Variants in PKHD1 observed in about 807,000 individuals in gnomAD.
PKHD1 encodes fibrocystin.
PKHD1 carries 291 observed loss-of-function variants against 412.0 expected under a neutral mutation model. The observed-to-expected ratio is 0.71, with a 90% CI of 0.64 to 0.78. PKHD1 has a LOEUF of 0.78. Among genes scored for constraint, PKHD1 ranks in the 30% least tolerant of loss-of-function variants. The pLI, the probability that PKHD1 is intolerant of heterozygous loss-of-function variation, is 0.00. For missense variants in PKHD1, 4,825 were observed against 4,950.7 expected, an observed-to-expected ratio of 0.97 and a Z score of 0.76; for synonymous variants, 1,777 against 1,821.5, an observed-to-expected ratio of 0.98 and a Z score of 0.62.
intron 60 of PKHD1, among the ~76,000 whole-genome samples, chr6:51,713,197 G>A (rs1438360566): frequency 5.9e-5 from 9 of 152,114 alleles, no homozygotes; most frequent in South Asian, 2.1e-4. Flanking sequence ...TAACCAATTC[G>A]TATTTAACTC....
chr6:51,807,458 A>AAAAATAT (rs1332349363), intron 52 of PKHD1, among the ~76,000 whole-genome samples: 2 of 49,676 alleles, frequency 4.0e-5, no homozygotes, highest in African/African-American at 6.0e-5. Context: ...AAAAAAAAAA[A>AAAAATAT]ATATATATAT....
intron 35 of PKHD1, among the ~76,000 whole-genome samples, chr6:52,008,780 A>T (rs1799420217): frequency 6.6e-6 from 1 of 152,124 alleles, no homozygotes; most frequent in African/African-American, 2.4e-5. Flanking sequence ...CAGATGAGAA[A>T]ACTGAAGTAC....
intron 35 of PKHD1, among the ~76,000 whole-genome samples, chr6:51,965,134 T>G (rs1792623413): frequency 1.3e-5 from 2 of 152,158 alleles, no homozygotes; most frequent in Non-Finnish European, 2.9e-5. Flanking sequence ...TGAGCTAATA[T>G]AAAGGCGTTT....
intron 5 of PKHD1, among the ~76,000 whole-genome samples, chr6:52,078,909 A>C (rs1041202761): frequency 5.3e-5 from 8 of 152,248 alleles, no homozygotes; most frequent in Non-Finnish European, 8.8e-5. Context: ...ATTCTCTTGG[A>C]TTAAGAAACA....
intron 52 of PKHD1, among the ~76,000 whole-genome samples, chr6:51,805,997 T>C (rs1763705941): frequency 6.7e-6 from 1 of 150,092 alleles, no homozygotes. Flanking sequence ...CCTTTGGGTA[T>C]ATACCCAGTA....
At chr6:52,049,294 A>G (rs759427093) in intron 22 of PKHD1, among the ~76,000 whole-genome samples, 10 of 152,372 alleles carry the variant, frequency 6.6e-5, no homozygotes, top group South Asian at 2.1e-4. Flanking sequence ...ACAATGCTAC[A>G]TATTTGTGTA....
At position 51,772,805 on chromosome 6, in the gene PKHD1, G is replaced by A. The variant is rs777367274; in HGVS notation, c.8555-16C>T. 7.3e-7 allele frequency: 1 copy of A among 1,375,384 alleles called. No individual in the cohort carries two copies. Among genetic ancestry groups the A allele is most frequent in the Admixed American group, 1.7e-5 (1 of 59,528 alleles). 85.2% of individuals were successfully genotyped at this position (1,375,384 alleles called of 1,614,324 possible). ...CCATAAACCCCTGAAAATAAAAGGA[G>A]TAACAGTTGGATAGAAAAATCCTTC... On this transcript the variant is annotated splice_polypyrimidine_tract_variant and intron_variant, in intron 54 of 66. Coordinates refer to ENST00000371117, the MANE Select transcript of PKHD1 (RefSeq NM_138694.4).
chr6:52,073,605 C>T, intron 6 of PKHD1, 64 bp from the exon 7 acceptor site: 1 of 982,436 alleles, frequency 1.0e-6, no homozygotes, highest in East Asian at 2.4e-5. Flanking sequence ...TAATAAAAAA[C>T]CATGTTTCTT....
rs1235746858 is a variant in PKHD1 at position 51,617,791 on chromosome 6, T to C, written c.*1290A>G. ...CTCATAGAACTAATTCAGGGCATCATTATTTAGAATTCAGCAATGAAAGAG... is the reference window on the plus strand; with the variant it reads ...CTCATAGAACTAATTCAGGGCATCACTATTTAGAATTCAGCAATGAAAGAG... On this transcript the variant is annotated 3_prime_UTR_variant, in exon 67 of 67. Coordinates refer to ENST00000371117, the MANE Select transcript of PKHD1 (RefSeq NM_138694.4). 1 of 152,198 alleles carries C rather than the reference T, an allele frequency of 6.6e-6. No homozygotes were observed. Among genetic ancestry groups the C allele is most frequent in the Non-Finnish European group, 1.5e-5 (1 of 68,044 alleles). The allele number at this position is 152,198 out of a possible 1,614,324, so 9.4% of individuals were successfully genotyped here. A position where few individuals can be genotyped will look rare whatever the true frequency, so the allele number is the denominator to read the frequency against.
intron 49 of PKHD1, among the ~76,000 whole-genome samples, chr6:51,849,565 T>C (rs538528302): frequency 1.1e-4 from 17 of 152,352 alleles, no homozygotes; most frequent in Middle Eastern, 3.4e-3. Flanking sequence ...CATTGTTTCC[T>C]GACTTTTTAA....
At chr6:51,728,928 G>A (rs541028561) in intron 60 of PKHD1, among the ~76,000 whole-genome samples, 2 of 152,316 alleles carry the variant, frequency 1.3e-5, no homozygotes, top group East Asian at 1.9e-4. Flanking sequence ...TCCTATGACA[G>A]GCCTGGGGCC....
chr6:51,813,015 T>C (rs1764928936), intron 52 of PKHD1, among the ~76,000 whole-genome samples: 1 of 152,192 alleles, frequency 6.6e-6, no homozygotes, highest in Admixed American at 6.5e-5. Flanking sequence ...CAAGTTGTCC[T>C]ACCTTTCCAG....
At chr6:51,919,335 C>T (rs1784319803) in intron 37 of PKHD1, among the ~76,000 whole-genome samples, 1 of 152,164 alleles carries the variant, frequency 6.6e-6, no homozygotes, top group African/African-American at 2.4e-5. Context: ...CCAATTTCAG[C>T]TTTCTACATA....
At chr6:51,852,606 TTAGA>T (rs1321023814) in intron 49 of PKHD1, among the ~76,000 whole-genome samples, 1 of 152,220 alleles carries the variant, frequency 6.6e-6, no homozygotes, top group African/African-American at 2.4e-5. Flanking sequence ...GCATGTATAT[TTAGA>T]TAGTTAGCGT....
At chr6:52,065,158 T>TAGAGAGAGAGAGAGAGAG (rs1189756824) in intron 12 of PKHD1, 108 bp from the exon 13 acceptor site, 1 of 78,256 alleles carries the variant, frequency 1.3e-5, no homozygotes, top group Non-Finnish European at 2.2e-5. Context: ...TATATATATA[T>TAGAGAGAGAGAGAGAGAG]ATATATATAT....
intron 55 of PKHD1, among the ~76,000 whole-genome samples, chr6:51,758,910 A>G (rs1176739404): frequency 6.6e-6 from 1 of 152,206 alleles, no homozygotes; most frequent in Non-Finnish European, 1.5e-5. Context: ...GTAAACACCT[A>G]CAACTTAAAT....
intron 55 of PKHD1, among the ~76,000 whole-genome samples, chr6:51,765,164 C>T (rs1788770481): frequency 6.6e-6 from 1 of 152,076 alleles, no homozygotes; most frequent in African/African-American, 2.4e-5. Context: ...ACCTGCAGCA[C>T]TCTTTCCTTG....
At chr6:51,866,051 CT>C (rs1228586399) in intron 48 of PKHD1, among the ~76,000 whole-genome samples, 1 of 152,012 alleles carries the variant, frequency 6.6e-6, no homozygotes, top group African/African-American at 2.4e-5. Flanking sequence ...CCTGGTGCTG[CT>C]GCTGCTGCTG....
chr6:51,751,778 T>C (rs1786153951), intron 57 of PKHD1, among the ~76,000 whole-genome samples: 1 of 152,190 alleles, frequency 6.6e-6, no homozygotes, highest in South Asian at 2.1e-4. Context: ...GCTACATAAA[T>C]AAATAGGCAA....
Sources: gnomAD v4.1 joint callset for allele counts (sites outside exome capture counted in the v4.1 genomes callset) on GRCh38, gnomAD v4.1.1 for gene constraint, MANE v1.5 for transcripts, NCBI Gene and HGNC (gene_info 2026-07-23, HGNC 2026-07-21) for gene names.